The following HSPA14 variants were observed in gnomAD, a reference collection of about 807,000 sequenced individuals.
The protein encoded by HSPA14 is heat shock 70 kDa protein 14.
HSPA14 carries 37 observed loss-of-function variants against 65.5 expected under a neutral mutation model. The observed-to-expected ratio is 0.56, with a 90% CI of 0.43 to 0.74. The LOEUF (loss-of-function observed/expected upper bound fraction) is 0.74, where lower values mean the gene tolerates loss of function less well. HSPA14 is among the 30% of genes least tolerant of loss of function. The pLI is 0.00. For synonymous variants in HSPA14, 203 were observed against 214.2 expected, an observed-to-expected ratio of 0.95 and a Z score of 0.46; for missense variants, 564 against 607.6, an observed-to-expected ratio of 0.93 and a Z score of 0.75.
chr10:14,867,749 C>T lies in HSPA14; in HGVS notation c.1220C>T (p.Ser407Leu), dbSNP rs1177115994. The T allele has an allele frequency of 6.2e-7, 1 of 1,613,358 alleles. No individual in the cohort carries two copies. Among genetic ancestry groups the T allele is most frequent in the Non-Finnish European group, 8.5e-7 (1 of 1,179,796 alleles). ...CCTGCTAACTAGGGTGTGGACGAAT[C>T]AGGAGCCAGTAGATTCACAGTGCTG... The part of the protein sequence containing the change: ...RDILVKGVDE[S>L]GASRFTVLFP... Residue 407 changes from serine (S) to leucine (L), a missense_variant, in exon 12 of 14, where the codon TCA (serine) becomes TTA (leucine). Ser to Leu is a moderately radical substitution (Grantham distance 145). Coordinates refer to ENST00000378372, the MANE Select transcript of HSPA14 (RefSeq NM_016299.4).
chr10:14,857,950 T>C (rs1343861177), intron 10 of HSPA14, among the ~76,000 whole-genome samples: 3 of 152,068 alleles, frequency 2.0e-5, no homozygotes, highest in African/African-American at 7.2e-5. Flanking sequence ...TGCTAGGTGT[T>C]TGAAGGCTGG....
At chr10:14,845,314 CAAAG>C (rs1039323687) in intron 3 of HSPA14, 1 of 985,218 alleles carries the variant, frequency 1.0e-6, no homozygotes, top group African/African-American at 1.7e-5. Context: ...GGAAAAATAA[CAAAG>C]AGTGGGCATG....
At chr10:14,849,405 AC>A (rs1834090534) in intron 5 of HSPA14, 2 of 513,648 alleles carry the variant, frequency 3.9e-6, no homozygotes, top group Non-Finnish European at 7.8e-6. Flanking sequence ...TAACATTATG[AC>A]GTTGTGTCTT....
At chr10:14,841,601 T>C (rs531156403) in intron 3 of HSPA14, among the ~76,000 whole-genome samples, 44 of 152,318 alleles carry the variant, frequency 2.9e-4, no homozygotes, top group African/African-American at 9.9e-4. Context: ...GCCAACAATA[T>C]GTTACTGTTT....
chr10:14,852,344 A>G (rs1564322731), intron 7 of HSPA14, 26 bp from the exon 8 acceptor site: 1 of 1,595,724 alleles, frequency 6.3e-7, no homozygotes, highest in Non-Finnish European at 8.6e-7. Context: ...TTATTCCCTG[A>G]TAACTTACTT....
chr10:14,849,964 A>AT, intron 6 of HSPA14, 153 bp downstream of exon 6: 2 of 583,890 alleles, frequency 3.4e-6, no homozygotes, highest in Non-Finnish European at 5.9e-6. Context: ...ATATGTATAT[A>AT]TTTGATGAAA....
chr10:14,848,610 T>C lies in HSPA14; in HGVS notation c.223T>C (p.Ser75Pro). The C allele has an allele frequency of 6.2e-7, 1 of 1,609,022 alleles. No individual in the cohort carries two copies. The highest frequency in any genetic ancestry group is 8.5e-7 in the Non-Finnish European group (1 of 1,176,132). ...ATCTTTATCTTTCTTTATGGACAGC[T>C]CCAGTGATCCACAAGCTCAGAAATA... ...MKVKQILGRS[S>P]SDPQAQKYIA... The change falls in exon 4 of 14, where the codon TCC (serine) becomes CCC (proline). Residue 75 changes from serine (S) to proline (P), a missense_variant and splice_region_variant. By Grantham distance (74) the Ser-to-Pro change is moderately conservative. Coordinates refer to ENST00000378372, the MANE Select transcript of HSPA14 (RefSeq NM_016299.4).
chr10:14,864,966 C>A (rs1315152895), intron 10 of HSPA14, among the ~76,000 whole-genome samples: 1 of 152,164 alleles, frequency 6.6e-6, no homozygotes, highest in Non-Finnish European at 1.5e-5. Context: ...TATTTCTCCA[C>A]ATCCTCTCTA....
intron 10 of HSPA14, among the ~76,000 whole-genome samples, chr10:14,864,270 G>GTT (rs748502763): frequency 2.4e-4 from 32 of 132,918 alleles, no homozygotes; most frequent in African/African-American, 3.3e-4. Flanking sequence ...TCCAAGGTTG[G>GTT]TTTTTTTTTT....
At chr10:14,838,766 G>A (rs1278681983) in intron 1 of HSPA14, among the ~76,000 whole-genome samples, 5 of 152,148 alleles carry the variant, frequency 3.3e-5, no homozygotes, top group African/African-American at 1.2e-4. Context: ...GCCCGGGGGG[G>A]TCCCGGAGAC....
At chr10:14,853,844 C>T (rs371500335) in intron 8 of HSPA14, among the ~76,000 whole-genome samples, 4 of 152,250 alleles carry the variant, frequency 2.6e-5, no homozygotes, top group African/African-American at 9.6e-5. Flanking sequence ...CTCAGCCTCC[C>T]AAGTAGCTGG....
intron 10 of HSPA14, among the ~76,000 whole-genome samples, chr10:14,864,584 T>C (rs1832788677): frequency 6.6e-6 from 1 of 152,122 alleles, no homozygotes; most frequent in Admixed American, 6.5e-5. Flanking sequence ...ATGCGGTGTT[T>C]GGTTTTTTGT....
In HSPA14 at chr10:14,838,527, A is replaced by C; in HGVS notation, c.57+68A>C. On this transcript the variant is annotated intron_variant, in intron 1 of 13. Coordinates refer to ENST00000378372, the MANE Select transcript of HSPA14 (RefSeq NM_016299.4). ...CCGGTTTTCTGGCGCTGGGTCATCC[A>C]CAGGCTTGAGAGCGGCGTGTCGCCG... 1.9e-5 allele frequency: 28 copies of C among 1,455,074 alleles called. 2 individuals carry two copies. In the South Asian group the frequency reaches 3.4e-4, roughly 18 times the overall value. 90.1% of individuals were successfully genotyped at this position (1,455,074 alleles called of 1,614,324 possible). A position where few individuals can be genotyped will look rare whatever the true frequency, so the allele number is the denominator to read the frequency against.
At chr10:14,866,455 G>A (rs1445604800) in intron 10 of HSPA14, among the ~76,000 whole-genome samples, 1 of 152,154 alleles carries the variant, frequency 6.6e-6, no homozygotes, top group Non-Finnish European at 1.5e-5. Context: ...TATTCTGAAT[G>A]CCCATGGAAT....
intron 3 of HSPA14, 45 bp from the exon 4 acceptor site, chr10:14,848,564 T>A: frequency 7.1e-7 from 1 of 1,410,884 alleles, no homozygotes. Flanking sequence ...ATATCTACAA[T>A]ACTGATTTTA....
At chr10:14,847,062 CT>C (rs1834064795) in intron 3 of HSPA14, 1 of 983,688 alleles carries the variant, frequency 1.0e-6, no homozygotes, top group Non-Finnish European at 1.2e-6. Flanking sequence ...CCATTCTCTG[CT>C]TTGCTTTCTC....
intron 10 of HSPA14, 97 bp downstream of exon 10, chr10:14,856,040 T>G (rs1263384714): frequency 1.4e-6 from 1 of 705,906 alleles, no homozygotes; most frequent in East Asian, 2.7e-5. Context: ...TTTAATGCAT[T>G]TAAGAATTTT....
intron 10 of HSPA14, among the ~76,000 whole-genome samples, chr10:14,858,672 C>G (rs1464763554): frequency 6.6e-6 from 1 of 152,172 alleles, no homozygotes; most frequent in Non-Finnish European, 1.5e-5. Flanking sequence ...GAGATATACC[C>G]CACCTACCAA....
rs1289528563 is a variant in HSPA14 at position 14,842,142 on chromosome 10, G to T, written c.221+1985G>T. ...CCCCTGTGGCCTTCCAGCCAGAAATGCGGTCCTTGGACCTGGCTTCTCAGC... is the reference window on the plus strand; with the variant it reads ...CCCCTGTGGCCTTCCAGCCAGAAATTCGGTCCTTGGACCTGGCTTCTCAGC... On this transcript the variant is annotated intron_variant, in intron 3 of 13. Coordinates refer to ENST00000378372, the MANE Select transcript of HSPA14 (RefSeq NM_016299.4). The surrounding 1 kb of genome is among the most constrained non-coding windows in gnomAD (Gnocchi z 5.2). 5 of 1,534,016 alleles carry T rather than the reference G, an allele frequency of 3.3e-6. No homozygotes were observed. Among genetic ancestry groups the T allele is most frequent in the Non-Finnish European group, 4.4e-6 (5 of 1,146,302 alleles).
Sources: allele counts gnomAD v4.1 joint callset (sites outside exome capture counted in the v4.1 genomes callset), GRCh38; gene constraint gnomAD v4.1.1; non-coding constraint Gnocchi (gnomAD v3.1); transcripts MANE v1.5; gene names NCBI Gene and HGNC (gene_info 2026-07-23, HGNC 2026-07-21).